Variants in GRIP1 observed in about 807,000 individuals in gnomAD.
GRIP1 encodes the protein glutamate receptor interacting protein 1, also known as glutamate receptor-interacting protein 1.
GRIP1 carries 45 observed loss-of-function variants against 129.9 expected under a neutral mutation model. The ratio of observed to expected loss-of-function variants is 0.35; its 90% confidence interval spans 0.27 to 0.44. GRIP1 has a LOEUF of 0.44. Among genes scored for constraint, GRIP1 ranks in the 20% least tolerant of loss-of-function variants. The pLI is 1.00. For synonymous variants in GRIP1, 530 were observed against 520.8 expected (o/e 1.02, Z -0.24); for missense variants, 1,196 against 1,396.8 (o/e 0.86, Z 2.29).
At chr12:66,862,916 T>A (rs7960495) in intron 1 of GRIP1, among the ~76,000 whole-genome samples, 60,282 of 151,806 alleles carry the variant, frequency 0.4, 12,314 homozygotes, top group East Asian at 0.7. Context: ...TTGTGAGCAA[T>A]CTCTTAAATG....
At chr12:66,890,475 C>T (rs916096547) in intron 1 of GRIP1, among the ~76,000 whole-genome samples, 1 of 152,190 alleles carries the variant, frequency 6.6e-6, no homozygotes, top group African/African-American at 2.4e-5. Context: ...ATGCTGTTAA[C>T]ATGAACACAG....
chr12:66,937,800 T>C (rs537060726), intron 1 of GRIP1, among the ~76,000 whole-genome samples: 6 of 152,254 alleles, frequency 3.9e-5, no homozygotes, highest in African/African-American at 1.2e-4. Flanking sequence ...CTACAATAAT[T>C]GACAAAAGTG....
intron 1 of GRIP1, among the ~76,000 whole-genome samples, chr12:66,620,377 T>C (rs2065214040): frequency 6.6e-6 from 1 of 152,158 alleles, no homozygotes; most frequent in Admixed American, 6.6e-5. Flanking sequence ...GGACCTTTGA[T>C]TCCCTGTACC....
chr12:66,832,704 T>C (rs958668390), intron 1 of GRIP1, among the ~76,000 whole-genome samples: 1 of 152,190 alleles, frequency 6.6e-6, no homozygotes, highest in African/African-American at 2.4e-5. Flanking sequence ...TCATGCTTCT[T>C]TATTTTCTGT....
chr12:66,791,220 T>C (rs1566023979), intron 1 of GRIP1, among the ~76,000 whole-genome samples: 1 of 152,130 alleles, frequency 6.6e-6, no homozygotes, highest in Non-Finnish European at 1.5e-5. Flanking sequence ...TGGAAGTTTT[T>C]GTAAAAGATA....
chr12:66,446,693 T>C (rs1476605492), intron 11 of GRIP1, among the ~76,000 whole-genome samples: 1 of 152,172 alleles, frequency 6.6e-6, no homozygotes, highest in Non-Finnish European at 1.5e-5. Context: ...ACCTATAGCT[T>C]TTCCTTGTCC....
chr12:66,459,162 A>G (rs2059060245), intron 9 of GRIP1, among the ~76,000 whole-genome samples: 1 of 152,236 alleles, frequency 6.6e-6, no homozygotes, highest in Non-Finnish European at 1.5e-5. Flanking sequence ...TATAATGACT[A>G]ATACATGAAT....
rs897920394 is a variant in GRIP1, at chr12:66,348,283, T to C, written c.*736A>G. The C allele has an allele frequency of 1.3e-5, 2 of 152,160 alleles. No individual in the cohort carries two copies. The highest frequency in any genetic ancestry group is 2.4e-5 in the African/African-American group (1 of 41,414). The allele number at this position is 152,160 out of a possible 1,614,324, so 9.4% of individuals were successfully genotyped here. ...TAAGATAATATAACTAATTCTCATG[T>C]TTACTACACACTCTAATTCATTATC... On this transcript the variant is annotated 3_prime_UTR_variant, in exon 25 of 25. Coordinates refer to ENST00000359742, the MANE Select transcript of GRIP1 (RefSeq NM_001366722.1).
intron 1 of GRIP1, among the ~76,000 whole-genome samples, chr12:66,977,694 ATT>A (rs1372583690): frequency 6.6e-6 from 1 of 151,114 alleles, no homozygotes; most frequent in Non-Finnish European, 1.5e-5. Context: ...TGTTTTTCTC[ATT>A]GTTATGTTGT....
intron 1 of GRIP1, among the ~76,000 whole-genome samples, chr12:66,793,195 CT>C (rs1159280482): frequency 6.6e-6 from 1 of 152,118 alleles, no homozygotes; most frequent in Non-Finnish European, 1.5e-5. Context: ...TACTGTTCCA[CT>C]TTTCACAATT....
At chr12:66,981,905 C>A (rs753047957) in intron 1 of GRIP1, among the ~76,000 whole-genome samples, 2 of 152,188 alleles carry the variant, frequency 1.3e-5, no homozygotes, top group African/African-American at 2.4e-5. Context: ...GGCTTCTACA[C>A]TCTCAATTTT....
chr12:66,747,791 G>T (rs1360911265), intron 1 of GRIP1, among the ~76,000 whole-genome samples: 2 of 152,106 alleles, frequency 1.3e-5, no homozygotes, highest in East Asian at 3.9e-4. Context: ...TGTACAGAGT[G>T]TCTGGCTCAA....
chr12:66,979,252 A>AAAACAAC (rs772753895), intron 1 of GRIP1, among the ~76,000 whole-genome samples: 1,572 of 110,206 alleles, frequency 0.014, 43 homozygotes, highest in Admixed American at 0.022. Flanking sequence ...AAAAAAAAAA[A>AAAACAAC]AACAAGCCCG....
intron 1 of GRIP1, among the ~76,000 whole-genome samples, chr12:66,668,605 G>T (rs2033916636): frequency 6.6e-6 from 1 of 152,132 alleles, no homozygotes; most frequent in African/African-American, 2.4e-5. Context: ...GAAATCAGCA[G>T]ATGTTAGAGG....
chr12:66,430,258 A>G (rs2058109006), intron 14 of GRIP1, among the ~76,000 whole-genome samples: 1 of 152,214 alleles, frequency 6.6e-6, no homozygotes, highest in South Asian at 2.1e-4. Context: ...GCAAAATATG[A>G]GTATTTCCCA....
intron 2 of GRIP1, among the ~76,000 whole-genome samples, chr12:66,549,284 C>T (rs565304947): frequency 6.6e-5 from 10 of 152,098 alleles, no homozygotes; most frequent in Admixed American, 5.2e-4. Context: ...TATTGCTGGA[C>T]GGTGCAGAAG....
At chr12:66,426,431 C>T (rs2057988871) in intron 14 of GRIP1, among the ~76,000 whole-genome samples, 2 of 152,048 alleles carry the variant, frequency 1.3e-5, no homozygotes, top group Non-Finnish European at 2.9e-5. Context: ...TCAAGGCCCA[C>T]TTTTTTCCCC....
intron 1 of GRIP1, among the ~76,000 whole-genome samples, chr12:66,684,605 G>A (rs2136292580): frequency 6.6e-6 from 1 of 152,274 alleles, no homozygotes; most frequent in South Asian, 2.1e-4. Context: ...AGCACTTTGG[G>A]AGGCCGAGGT....
intron 23 of GRIP1, among the ~76,000 whole-genome samples, chr12:66,360,779 T>G (rs1592686537): frequency 6.6e-6 from 1 of 152,312 alleles, no homozygotes; most frequent in East Asian, 1.9e-4. Flanking sequence ...GTGAAAGGCT[T>G]TAACTGCAGA....
Sources: gnomAD v4.1 joint callset for allele counts (sites outside exome capture counted in the v4.1 genomes callset) on GRCh38, gnomAD v4.1.1 for gene constraint, MANE v1.5 for transcripts, NCBI Gene and HGNC (gene_info 2026-07-23, HGNC 2026-07-21) for gene names.